Variants in ERC1 observed in about 807,000 individuals in gnomAD.
The protein encoded by ERC1 is RAB6 interacting protein 2.
In ERC1, 56 loss-of-function variants were observed where a neutral mutation model predicts 132.0. The observed-to-expected ratio is 0.42, with a 90% CI of 0.34 to 0.53. ERC1 has a LOEUF of 0.53. Among genes scored for constraint, ERC1 ranks in the 20% least tolerant of loss-of-function variants. The probability of loss-of-function intolerance (pLI) is 0.03; values close to 1 mark genes in which losing one functional copy is unlikely to be tolerated. For missense variants in ERC1, 1,202 were observed against 1,349.9 expected (o/e 0.89, Z 1.72); for synonymous variants, 478 against 476.1 (o/e 1.00, Z -0.05).
rs537603716 is a variant in ERC1 at position 1,258,155 on chromosome 12, A to T, written c.2488-4879A>T. On this transcript the variant is annotated intron_variant, in intron 13 of 18. Transcript: ENST00000360905. ...TCTCAAATTAAGTGTGGCATGTCCT[A>T]TCTTAATCTCTAGCTACATTTAGTT... Among the ~76,000 whole-genome samples the T allele has an allele frequency of 3.9e-5, 6 of 152,336 alleles. No homozygotes were observed. In the East Asian group the frequency reaches 1.2e-3, roughly 29 times the overall value.
At chr12:1,259,734 A>G (rs1275395592) in intron 13 of ERC1, among the ~76,000 whole-genome samples, 2 of 152,038 alleles carry the variant, frequency 1.3e-5, no homozygotes, top group African/African-American at 2.4e-5. Context: ...CATGTTGGTC[A>G]GGCTGGTCTC....
chr12:1,422,511 T>G (rs2092464894), intron 17 of ERC1, among the ~76,000 whole-genome samples: 1 of 151,590 alleles, frequency 6.6e-6, no homozygotes, highest in Admixed American at 6.6e-5. Flanking sequence ...TCTGTGTTGC[T>G]AAAATGACAG....
chr12:1,211,865 C>T (rs533771479), intron 12 of ERC1, among the ~76,000 whole-genome samples: 5 of 152,176 alleles, frequency 3.3e-5, no homozygotes, highest in Non-Finnish European at 5.9e-5. Flanking sequence ...CCTCTGTGTC[C>T]GGCCATAATC....
chr12:1,034,731 G>A (rs375716524), intron 2 of ERC1, among the ~76,000 whole-genome samples: 5 of 152,178 alleles, frequency 3.3e-5, no homozygotes, highest in African/African-American at 9.7e-5. Flanking sequence ...AGTTATTGGC[G>A]TACTTGTTCA....
chr12:1,330,133 T>C (rs2082752873), intron 15 of ERC1, among the ~76,000 whole-genome samples: 1 of 152,212 alleles, frequency 6.6e-6, no homozygotes, highest in South Asian at 2.1e-4. Flanking sequence ...CAACATTTTA[T>C]TTTCTTCTGT....
In ERC1 at chr12:1,492,526, G is replaced by T. The variant is rs998350600; in HGVS notation, c.*2296G>T. On this transcript the variant is annotated 3_prime_UTR_variant, in exon 19 of 19. Coordinates refer to ENST00000360905, the MANE Select transcript of ERC1 (RefSeq NM_178040.4). ...CACGTGGACTTTCTCATCAGGTGCA[G>T]CGCCTGCCACTCTCAGCCACTGGGT... 7.3e-5 allele frequency: 17 copies of T among 233,124 alleles called. No individual in the cohort carries two copies. The highest frequency in any genetic ancestry group is 1.1e-4 in the Non-Finnish European group (13 of 118,038). The allele number at this position is 233,124 out of a possible 1,614,324, so 14.4% of individuals were successfully genotyped here.
intron 2 of ERC1, among the ~76,000 whole-genome samples, chr12:1,065,494 G>GTA (rs892579905): frequency 1.4e-5 from 2 of 142,472 alleles, no homozygotes; most frequent in African/African-American, 4.9e-5. Flanking sequence ...GTGTGTGTGT[G>GTA]TGTGTGTGTG....
At chr12:1,196,221 G>GT (rs1443618496) in intron 12 of ERC1, among the ~76,000 whole-genome samples, 1 of 151,988 alleles carries the variant, frequency 6.6e-6, no homozygotes, top group Non-Finnish European at 1.5e-5. Flanking sequence ...TTTTGTTGTA[G>GT]TCCTCTTTAT....
rs77318227 is a variant in ERC1, at chr12:1,401,649, A to G, written c.2926-6500A>G. ...ATTGTACCAACTTCATATTGTTGCTATGAGGATTAAATTACCTAAAGCTCT... is the reference window on the plus strand; with the variant it reads ...ATTGTACCAACTTCATATTGTTGCTGTGAGGATTAAATTACCTAAAGCTCT... On this transcript the variant is annotated intron_variant, in intron 16 of 18. Transcript: ENST00000360905. Among the ~76,000 whole-genome samples the G allele has an allele frequency of 1.1e-3, 160 of 151,962 alleles. 6 individuals are homozygous for G. The East Asian group carries it at 0.029, about 27-fold the overall frequency.
At chr12:1,372,449 G>A (rs2087357186) in intron 16 of ERC1, among the ~76,000 whole-genome samples, 1 of 152,146 alleles carries the variant, frequency 6.6e-6, no homozygotes, top group Admixed American at 6.5e-5. Flanking sequence ...TAATATTCAT[G>A]TAACACCTTT....
chr12:1,442,166 C>T (rs943872487), intron 17 of ERC1, among the ~76,000 whole-genome samples: 2 of 152,166 alleles, frequency 1.3e-5, no homozygotes, highest in Non-Finnish European at 2.9e-5. Context: ...GACCTCACGT[C>T]ATCTGCCCAC....
intron 13 of ERC1, among the ~76,000 whole-genome samples, chr12:1,246,024 G>A (rs976282333): frequency 2.6e-5 from 4 of 151,976 alleles, no homozygotes; most frequent in Non-Finnish European, 5.9e-5. Flanking sequence ...TCTCACCTTG[G>A]CCTCCCAGGG....
intron 2 of ERC1, among the ~76,000 whole-genome samples, chr12:1,037,945 G>C (rs1420593760): frequency 6.6e-6 from 1 of 151,822 alleles, no homozygotes; most frequent in African/African-American, 2.4e-5. Flanking sequence ...TCGGGAGGCT[G>C]AGGCAGGAGA....
At chr12:1,417,332 C>T (rs1156723025) in intron 17 of ERC1, among the ~76,000 whole-genome samples, 3 of 152,106 alleles carry the variant, frequency 2.0e-5, no homozygotes, top group Non-Finnish European at 4.4e-5. Context: ...TTTTGCATAC[C>T]ATACTCAGCA....
At chr12:1,333,055 C>T (rs1028903027) in intron 15 of ERC1, among the ~76,000 whole-genome samples, 2 of 151,628 alleles carry the variant, frequency 1.3e-5, no homozygotes, top group Non-Finnish European at 2.9e-5. Flanking sequence ...TCCTGATCCT[C>T]GTCCTGATCC....
intron 16 of ERC1, among the ~76,000 whole-genome samples, chr12:1,377,668 G>A (rs909975451): frequency 4.6e-5 from 7 of 152,066 alleles, no homozygotes; most frequent in Admixed American, 2.6e-4. Flanking sequence ...GCTGGCCATT[G>A]GCCCACCTTT....
In ERC1 at chr12:1,027,751, T is replaced by A. The variant is rs1036185674; in HGVS notation, c.-153T>A. The stretch of plus-strand genomic sequence containing the variant: ...ATGTGTGATCTTTTCATTACAGATA[T>A]GGTGTAAGATACTTCTTCAAGATTG... On this transcript the variant is annotated 5_prime_UTR_variant, in exon 2 of 19. The change abolishes an upstream ATG in the 5' untranslated region. Coordinates refer to ENST00000360905, the MANE Select transcript of ERC1 (RefSeq NM_178040.4). 1 of 624,744 alleles carries A rather than the reference T, an allele frequency of 1.6e-6. No individual in the cohort carries two copies. The highest frequency in any genetic ancestry group is 2.8e-6 in the Non-Finnish European group (1 of 352,534). The allele number at this position is 624,744 out of a possible 1,614,324, so 38.7% of individuals were successfully genotyped here. A position where few individuals can be genotyped will look rare whatever the true frequency, so the allele number is the denominator to read the frequency against.
chr12:1,373,873 CT>C (rs1211618541), intron 16 of ERC1, among the ~76,000 whole-genome samples: 2 of 152,206 alleles, frequency 1.3e-5, no homozygotes, highest in African/African-American at 4.8e-5. Context: ...TTCTCAGTGT[CT>C]TTATATCAAA....
chr12:1,239,828 C>T (rs147503383), intron 13 of ERC1, among the ~76,000 whole-genome samples: 160 of 152,286 alleles, frequency 1.1e-3, no homozygotes, highest in Middle Eastern at 6.8e-3. Context: ...GGTTCTCAAA[C>T]TTGTGTGCGT....
Sources: allele counts gnomAD v4.1 joint callset (sites outside exome capture counted in the v4.1 genomes callset), GRCh38; gene constraint gnomAD v4.1.1; transcripts MANE v1.5; gene names NCBI Gene and HGNC (gene_info 2026-07-23, HGNC 2026-07-21).